KDM4C: variants seen among roughly 807,000 people sequenced by gnomAD.
KDM4C encodes lysine demethylase 4C.
In KDM4C, 81 loss-of-function variants were observed where a neutral mutation model predicts 129.3. The ratio of observed to expected loss-of-function variants is 0.63; its 90% CI spans 0.52 to 0.75. The LOEUF (loss-of-function observed/expected upper bound fraction) is 0.75, where lower values mean the gene tolerates loss of function less well. Ranked by LOEUF, KDM4C falls within the 30% of genes least tolerant of loss-of-function variation. KDM4C has a pLI of 0.00. For missense variants in KDM4C, 1,457 were observed against 1,304.0 expected, an observed-to-expected ratio of 1.12 and a Z score of -1.81; for synonymous variants, 573 against 456.1, an observed-to-expected ratio of 1.26 and a Z score of -3.26.
chr9:6,739,587 T>G (rs1817624931), intron 1 of KDM4C, among the ~76,000 whole-genome samples: 1 of 152,120 alleles, frequency 6.6e-6, no homozygotes, highest in African/African-American at 2.4e-5. Context: ...CTCACAGTTT[T>G]AGATAGCTAG....
intron 17 of KDM4C, among the ~76,000 whole-genome samples, chr9:7,073,638 A>G (rs1478606491): frequency 2.6e-5 from 4 of 152,240 alleles, no homozygotes. Flanking sequence ...ATTTCAGAGT[A>G]CTTTAAATGT....
At position 6,953,361 on chromosome 9, in the gene KDM4C, A is replaced by C. The variant is rs183786330; in HGVS notation, c.922-27564A>C. On this transcript the variant is annotated intron_variant, in intron 8 of 21. Coordinates refer to ENST00000381309, the MANE Select transcript of KDM4C (RefSeq NM_015061.6). ...GAAGATGAAATTGAGAGATTTAAAC[A>C]TAATTTATTCTGCTTTGACCTATGG... is the stretch of plus-strand genomic sequence containing the variant. Among the ~76,000 whole-genome samples, 36 of 152,358 alleles carry C rather than the reference A, an allele frequency of 2.4e-4. 1 individual carries two copies. The highest frequency in any genetic ancestry group is 2.1e-3 in the Admixed American group (32 of 15,306).
chr9:6,940,956 T>C (rs1374493907), intron 8 of KDM4C, among the ~76,000 whole-genome samples: 1 of 152,182 alleles, frequency 6.6e-6, no homozygotes, highest in East Asian at 1.9e-4. Flanking sequence ...TATTTGTTCT[T>C]TACTTAATAA....
At chr9:7,129,001 T>C (rs73403352) in intron 19 of KDM4C, among the ~76,000 whole-genome samples, 3,461 of 152,212 alleles carry the variant, frequency 0.023, 111 homozygotes, top group African/African-American at 0.078. Flanking sequence ...AAATCAAATC[T>C]CGTGACTGAG....
chr9:6,799,450 A>C (rs1828482258), intron 2 of KDM4C, among the ~76,000 whole-genome samples: 2 of 152,228 alleles, frequency 1.3e-5, no homozygotes, highest in East Asian at 3.9e-4. Flanking sequence ...CTGCAATCGC[A>C]GGCACTCTGC....
At chr9:6,964,928 T>C (rs540888520) in intron 8 of KDM4C, among the ~76,000 whole-genome samples, 19 of 152,162 alleles carry the variant, frequency 1.2e-4, no homozygotes, top group African/African-American at 3.9e-4. Context: ...CACTCCAGCC[T>C]GGGCTACAGA....
chr9:7,153,858 C>G (rs945721898), intron 19 of KDM4C, among the ~76,000 whole-genome samples: 1 of 152,088 alleles, frequency 6.6e-6, no homozygotes, highest in Non-Finnish European at 1.5e-5. Flanking sequence ...TGGGCAAGAC[C>G]AGACCACAGA....
chr9:6,935,903 A>G (rs1199974243), intron 8 of KDM4C, among the ~76,000 whole-genome samples: 2 of 152,178 alleles, frequency 1.3e-5, no homozygotes, highest in Non-Finnish European at 2.9e-5. Flanking sequence ...AATTTTTTGA[A>G]GACATGAAAA....
chr9:7,096,665 C>A (rs1836476265), intron 17 of KDM4C, among the ~76,000 whole-genome samples: 1 of 152,084 alleles, frequency 6.6e-6, no homozygotes, highest in Admixed American at 6.5e-5. Flanking sequence ...GTGACAGGTG[C>A]CTTTAATAAA....
At chr9:6,971,782 G>A (rs1050364723) in intron 8 of KDM4C, among the ~76,000 whole-genome samples, 1 of 152,118 alleles carries the variant, frequency 6.6e-6, no homozygotes, top group Non-Finnish European at 1.5e-5. Context: ...CAATGATCAG[G>A]TAATTTAATT....
In KDM4C at chr9:6,805,770, G is replaced by A. The variant is rs1053562805; in HGVS notation, c.316G>A (p.Gly106Ser). The A allele has an allele frequency of 1.9e-6, 3 of 1,610,118 alleles. No homozygotes were observed. The Middle Eastern group carries it at 5.0e-4, about 266-fold the overall frequency. Residue 106 changes from glycine (G) to serine (S), a missense_variant, in exon 3 of 22, where the codon GGC becomes AGC. Gly to Ser is a moderately conservative substitution (Grantham distance 56, BLOSUM62 0). Transcript: ENST00000381309. ...GGAGTTCAGGCAGCTGGCCAACAGT[G>A]GCAAGTGAGTAGAATCAGTTTGCTA... Reference protein sequence around the residue: ...VKEFRQLANSGKYCTPRYLDY... With the variant: ...VKEFRQLANSSKYCTPRYLDY...
Position 6,814,748 on chromosome 9 carries a change from A to G in KDM4C, c.435+3A>G. The G allele has an allele frequency of 6.6e-7, 1 of 1,516,718 alleles. No homozygotes were observed. Among genetic ancestry groups the G allele is most frequent in the Non-Finnish European group, 9.1e-7 (1 of 1,095,046 alleles). The allele number at this position is 1,516,718 out of a possible 1,614,324, so 94.0% of individuals were successfully genotyped here. A position where few individuals can be genotyped will look rare whatever the true frequency, so the allele number is the denominator to read the frequency against. On this transcript the variant is annotated splice_donor_region_variant and intron_variant, in intron 4 of 21. Transcript: ENST00000381309. ...TTAATGGGAGCATATATGATGAGGTACATTCATATTTACAGTGAGTTTTGT... is the reference window on the plus strand; with the variant it reads ...TTAATGGGAGCATATATGATGAGGTGCATTCATATTTACAGTGAGTTTTGT...
Position 7,077,280 on chromosome 9 carries a change from G to C in KDM4C, c.2425-26405G>C, listed in dbSNP as rs909160396. 3.1e-6 allele frequency: 3 copies of C among 955,374 alleles called. No homozygotes were observed. In the African/African-American group the frequency reaches 5.3e-5, roughly 17 times the overall value. The allele number at this position is 955,374 out of a possible 1,614,324, so 59.2% of individuals were successfully genotyped here. ...TTGCATGGATCTTGGATTAGTGCTT[G>C]TAATTTGATTTGCGTATTTACATTG... is the stretch of plus-strand genomic sequence containing the variant. On this transcript the variant is annotated intron_variant, in intron 17 of 21. Coordinates refer to ENST00000381309, the MANE Select transcript of KDM4C (RefSeq NM_015061.6).
chr9:6,829,999 A>G (rs977602218), intron 4 of KDM4C, among the ~76,000 whole-genome samples: 1 of 152,252 alleles, frequency 6.6e-6, no homozygotes, highest in Non-Finnish European at 1.5e-5. Flanking sequence ...GAAAGGAACC[A>G]TTCATCTACA....
chr9:6,753,421 C>T (rs1332375784), upstream of KDM4C, among the ~76,000 whole-genome samples: 2 of 152,154 alleles, frequency 1.3e-5, no homozygotes, highest in African/African-American at 4.8e-5. Flanking sequence ...TAGGATACCA[C>T]AGACTGGGTA....
At position 7,084,268 on chromosome 9, in the gene KDM4C, C is replaced by T. The variant is rs369264194; in HGVS notation, c.2425-19417C>T. ...TTTGTTTTCCCATTTGTGAGAATGG[C>T]ATAGTTCATATAGGGGCTGCTCTCT... On this transcript the variant is annotated intron_variant, in intron 17 of 21. Transcript: ENST00000381309. 3.9e-5 allele frequency among the ~76,000 whole-genome samples: 6 copies of T among 152,232 alleles called. No homozygotes were observed. The South Asian group carries it at 1.2e-3, about 32-fold the overall frequency.
intron 8 of KDM4C, among the ~76,000 whole-genome samples, chr9:6,942,135 G>C (rs1826061615): frequency 6.6e-6 from 1 of 152,128 alleles, no homozygotes; most frequent in South Asian, 2.1e-4. Context: ...CATTGTGTTT[G>C]GGTGAAGTAG....
chr9:6,783,134 C>T (rs930690351), intron 1 of KDM4C, among the ~76,000 whole-genome samples: 23 of 152,170 alleles, frequency 1.5e-4, no homozygotes, highest in African/African-American at 5.5e-4. Flanking sequence ...GTAGCTCCCA[C>T]TGTTCTTGTT....
intron 4 of KDM4C, among the ~76,000 whole-genome samples, chr9:6,833,920 A>C (rs949377162): frequency 2.6e-5 from 4 of 152,008 alleles, no homozygotes; most frequent in African/African-American, 9.7e-5. Flanking sequence ...TTTAGGAGTC[A>C]CTGCTTAAGA....
Sources: allele counts gnomAD v4.1 joint callset (sites outside exome capture counted in the v4.1 genomes callset), GRCh38; gene constraint gnomAD v4.1.1; transcripts MANE v1.5; gene names NCBI Gene and HGNC (gene_info 2026-07-23, HGNC 2026-07-21).